ATXN7: variants seen among roughly 807,000 people sequenced by gnomAD.
ATXN7 encodes the protein ataxin 7.
ATXN7 carries 12 observed loss-of-function variants against 70.5 expected under a neutral mutation model. The observed-to-expected ratio is 0.17, with a 90% confidence interval of 0.11 to 0.28. The LOEUF (loss-of-function observed/expected upper bound fraction) is 0.28, where lower values mean the gene tolerates loss of function less well. ATXN7 is among the 10% of genes least tolerant of loss of function. The pLI, the probability that ATXN7 is intolerant of heterozygous loss-of-function variation, is 1.00. For missense variants in ATXN7, 1,256 were observed against 1,131.7 expected, an observed-to-expected ratio of 1.11 and a Z score of -1.58; for synonymous variants, 498 against 448.7, an observed-to-expected ratio of 1.11 and a Z score of -1.39.
intron 4 of ATXN7, among the ~76,000 whole-genome samples, chr3:63,913,725 T>C (rs959467953): frequency 6.6e-6 from 1 of 152,194 alleles, no homozygotes; most frequent in Admixed American, 6.5e-5. Context: ...TTTGGTCAGA[T>C]TTTTTGCGAG....
intron 12 of ATXN7, 72 bp downstream of exon 12, chr3:63,996,555 A>G (rs1488009322): frequency 2.8e-6 from 4 of 1,445,730 alleles, no homozygotes; most frequent in South Asian, 1.2e-5. Context: ...CAGCTCAGAA[A>G]TGTGTTTGGT....
Position 63,998,710 on chromosome 3 carries a change from T to C in ATXN7, c.2662-740T>C. 4 of 981,116 alleles carry C rather than the reference T, an allele frequency of 4.1e-6. No individual in the cohort carries two copies. In the South Asian group the frequency reaches 1.9e-4, roughly 46 times the overall value. The allele number at this position is 981,116 out of a possible 1,614,324, so 60.8% of individuals were successfully genotyped here. A position where few individuals can be genotyped will look rare whatever the true frequency, so the allele number is the denominator to read the frequency against. On this transcript the variant is annotated intron_variant, in intron 12 of 12. Coordinates refer to ENST00000674280, the MANE Select transcript of ATXN7 (RefSeq NM_001377405.1). ...GAACCCCAAGAAGTATTGCACATTT[T>C]TATGTCTTTGTTCATTTATCGTATA... is the stretch of plus-strand genomic sequence containing the variant.
In ATXN7 at chr3:63,884,979, T is replaced by G. The variant is rs529594310; in HGVS notation, c.-110-13420T>G. Among the ~76,000 whole-genome samples the G allele has an allele frequency of 2.0e-5, 3 of 152,262 alleles. No individual in the cohort carries two copies. In the South Asian group the frequency reaches 6.2e-4, roughly 32 times the overall value. On this transcript the variant is annotated intron_variant, in intron 1 of 12. Coordinates refer to ENST00000674280, the MANE Select transcript of ATXN7 (RefSeq NM_001377405.1). ...CAGCCCACTGCCCATCTTTTAAGTC[T>G]GAGCTGTGCCTAGTGACTTCCTTCC...
At chr3:63,908,090 A>G (rs574662544) in intron 2 of ATXN7, among the ~76,000 whole-genome samples, 6 of 152,318 alleles carry the variant, frequency 3.9e-5, no homozygotes, top group African/African-American at 1.4e-4. Flanking sequence ...TAGAATGAGT[A>G]TGTGTACAGG....
intron 8 of ATXN7, among the ~76,000 whole-genome samples, 194 bp from the exon 9 acceptor site, chr3:63,987,865 A>G (rs554714576): frequency 4.6e-5 from 7 of 152,238 alleles, no homozygotes; most frequent in African/African-American, 4.8e-5. Context: ...TTTAGAGCCT[A>G]GAACGTATGC....
intron 1 of ATXN7, among the ~76,000 whole-genome samples, chr3:63,869,289 A>G (rs748723289): frequency 9.9e-5 from 15 of 152,236 alleles, no homozygotes; most frequent in Non-Finnish European, 2.1e-4. Flanking sequence ...GGAGATGACC[A>G]TTAAATGGGA....
At position 63,864,151 on chromosome 3, in the gene ATXN7, G is replaced by A. The variant is rs1702328641; in HGVS notation, c.-118G>A. Among the ~76,000 whole-genome samples, 1 of 149,422 alleles carries A rather than the reference G, an allele frequency of 6.7e-6. No individual in the cohort carries two copies. Among genetic ancestry groups the A allele is most frequent in the African/African-American group, 2.4e-5 (1 of 40,984 alleles). ...GAGGCCGCCCCGGAGGCCGCAGCCA[G>A]CCGCCAGGTGAGCTCGCCCGGACGC... On this transcript the variant is annotated 5_prime_UTR_variant, in exon 1 of 13. Transcript: ENST00000674280.
At chr3:63,902,482 A>G (rs1240105426) in intron 2 of ATXN7, among the ~76,000 whole-genome samples, 1 of 152,222 alleles carries the variant, frequency 6.6e-6, no homozygotes, top group Non-Finnish European at 1.5e-5. Flanking sequence ...TTAAAAAATA[A>G]TGGCATTTAG....
intron 1 of ATXN7, among the ~76,000 whole-genome samples, chr3:63,890,006 AGAG>A (rs1285623625): frequency 6.6e-6 from 1 of 152,248 alleles, no homozygotes; most frequent in Non-Finnish European, 1.5e-5. Flanking sequence ...CTATTGGGAT[AGAG>A]GAGAAGGGAA....
At chr3:63,973,213 G>A (rs537336854) in intron 5 of ATXN7, among the ~76,000 whole-genome samples, 1 of 152,252 alleles carries the variant, frequency 6.6e-6, no homozygotes, top group Non-Finnish European at 1.5e-5. Context: ...CTTTTAAAAA[G>A]TGTTTTTATT....
At chr3:63,977,297 G>A (rs2075404188) in intron 5 of ATXN7, among the ~76,000 whole-genome samples, 3 of 152,208 alleles carry the variant, frequency 2.0e-5, no homozygotes, top group African/African-American at 7.2e-5. Context: ...AAGCTTCATA[G>A]CAGAACTGAG....
rs2075825969 is a variant in ATXN7, at chr3:64,000,858, G to T, written c.*1391G>T. 1 of 136,820 alleles carries T rather than the reference G, an allele frequency of 7.3e-6. No individual in the cohort carries two copies. Among genetic ancestry groups the T allele is most frequent in the Admixed American group, 8.5e-5 (1 of 11,750 alleles). 8.5% of individuals were successfully genotyped at this position (136,820 alleles called of 1,614,324 possible). The stretch of plus-strand genomic sequence containing the variant: ...TGTTAAAACAGCATTGCTTGGAGAA[G>T]GTGTCATTGAATTCCGGGACGAGCC... On this transcript the variant is annotated 3_prime_UTR_variant, in exon 13 of 13. Coordinates refer to ENST00000674280, the MANE Select transcript of ATXN7 (RefSeq NM_001377405.1).
chr3:63,936,822 G>A (rs754354646), intron 4 of ATXN7, among the ~76,000 whole-genome samples: 21 of 152,212 alleles, frequency 1.4e-4, no homozygotes, highest in Non-Finnish European at 2.5e-4. Context: ...TTCTTTATCC[G>A]TGATTCTACT....
At chr3:63,892,294 C>A (rs140536553) in intron 1 of ATXN7, among the ~76,000 whole-genome samples, 267 of 151,978 alleles carry the variant, frequency 1.8e-3, no homozygotes, top group African/African-American at 6.1e-3. Flanking sequence ...GATTAACGTT[C>A]CCCTGGTAGA....
At chr3:63,875,945 A>T (rs1219222413) in intron 1 of ATXN7, among the ~76,000 whole-genome samples, 1 of 152,188 alleles carries the variant, frequency 6.6e-6, no homozygotes, top group East Asian at 1.9e-4. Flanking sequence ...CACACATCCC[A>T]AGACTTCTGT....
intron 1 of ATXN7, among the ~76,000 whole-genome samples, chr3:63,887,280 C>G (rs1334214447): frequency 6.6e-6 from 1 of 152,128 alleles, no homozygotes; most frequent in East Asian, 1.9e-4. Flanking sequence ...CTTACACTGG[C>G]TTTGTTTAAT....
Position 63,982,753 on chromosome 3 carries a change from CCT to C in ATXN7, c.1013-185_1013-184del, listed in dbSNP as rs113595741. 482 of 613,640 alleles carry C rather than the reference CCT, an allele frequency of 7.9e-4. 1 individual carries two copies. Among genetic ancestry groups the C allele is most frequent in the African/African-American group, 7.3e-3 (394 of 53,944 alleles). 38.0% of individuals were successfully genotyped at this position (613,640 alleles called of 1,614,324 possible). ...TACCATCTGATGGCAGTAGTCACCC[CCT>C]GTCTTAGTGATGTTGCTGCTTTGTT... On this transcript the variant is annotated intron_variant, in intron 7 of 12. Transcript: ENST00000674280.
chr3:63,971,800 T>C (rs1328311608), intron 5 of ATXN7, among the ~76,000 whole-genome samples: 1 of 152,214 alleles, frequency 6.6e-6, no homozygotes, highest in Non-Finnish European at 1.5e-5. Context: ...AAGTAAATAA[T>C]GGTCTAGATA....
At position 63,908,127 on chromosome 3, in the gene ATXN7, C is replaced by T. The variant is rs541545426; in HGVS notation, c.-11-4461C>T. Among the ~76,000 whole-genome samples, 12 of 152,256 alleles carry T rather than the reference C, an allele frequency of 7.9e-5. No individual in the cohort carries two copies. The South Asian group carries it at 2.5e-3, about 32-fold the overall frequency. ...TGAGTTTTCAAAAAGCTATTTATGT[C>T]TTATCTTTTAAGTCCTCACTCTTGC... On this transcript the variant is annotated intron_variant, in intron 2 of 12. Coordinates refer to ENST00000674280, the MANE Select transcript of ATXN7 (RefSeq NM_001377405.1).
Sources: gnomAD v4.1 joint callset for allele counts (sites outside exome capture counted in the v4.1 genomes callset) on GRCh38, gnomAD v4.1.1 for gene constraint, MANE v1.5 for transcripts, NCBI Gene and HGNC (gene_info 2026-07-23, HGNC 2026-07-21) for gene names.